The following CTNNA3 variants were observed in gnomAD, a reference collection of about 807,000 sequenced individuals.
The protein encoded by CTNNA3 is catenin alpha-3.
In CTNNA3, 76 loss-of-function variants were observed where a neutral mutation model predicts 95.7. That is an observed-to-expected ratio of 0.79 (90% CI 0.66 to 0.96). The LOEUF is 0.96. Among genes scored for constraint, CTNNA3 ranks in the 40% least tolerant of loss-of-function variants. The pLI, the probability that CTNNA3 is intolerant of heterozygous loss-of-function variation, is 0.00. For synonymous variants in CTNNA3, 431 were observed against 374.4 expected, an observed-to-expected ratio of 1.15 and a Z score of -1.74; for missense variants, 1,191 against 1,089.8, an observed-to-expected ratio of 1.09 and a Z score of -1.31.
intron 12 of CTNNA3, among the ~76,000 whole-genome samples, chr10:66,331,138 G>C (rs768094095): frequency 1.3e-5 from 2 of 151,822 alleles, no homozygotes; most frequent in African/African-American, 2.4e-5. Context: ...TGAAGTCCTT[G>C]CCCATACCTA....
chr10:67,760,750 A>G (rs2131758518), intron 1 of CTNNA3, among the ~76,000 whole-genome samples: 1 of 152,062 alleles, frequency 6.6e-6, no homozygotes, highest in Non-Finnish European at 1.5e-5. Flanking sequence ...CATGAACCCT[A>G]CTGTAAAGTG....
intron 9 of CTNNA3, among the ~76,000 whole-genome samples, chr10:66,739,743 G>A (rs542609127): frequency 6.6e-6 from 1 of 152,218 alleles, no homozygotes; most frequent in African/African-American, 2.4e-5. Context: ...TTTAGTGGGG[G>A]ATTAAATAAA....
intron 9 of CTNNA3, among the ~76,000 whole-genome samples, chr10:66,706,978 C>T (rs1848138838): frequency 1.3e-5 from 2 of 151,784 alleles, no homozygotes; most frequent in Non-Finnish European, 2.9e-5. Context: ...GTACAGTTAA[C>T]AGAATTAGCA....
chr10:66,034,493 C>T (rs1044563625), intron 15 of CTNNA3, among the ~76,000 whole-genome samples: 5 of 151,996 alleles, frequency 3.3e-5, no homozygotes, highest in Non-Finnish European at 5.9e-5. Flanking sequence ...CTAACTTCAA[C>T]AGCAGCAGCA....
chr10:67,267,879 A>T (rs1410486666), intron 5 of CTNNA3, among the ~76,000 whole-genome samples: 1 of 152,170 alleles, frequency 6.6e-6, no homozygotes, highest in Non-Finnish European at 1.5e-5. Flanking sequence ...AAATGAAAAC[A>T]GTAGTTTACT....
Position 66,733,965 on chromosome 10 carries a change from G to A in CTNNA3, c.1281+32299C>T, listed in dbSNP as rs142341880. 3.3e-5 allele frequency among the ~76,000 whole-genome samples: 5 copies of A among 151,660 alleles called. No individual in the cohort carries two copies. In the South Asian group the frequency reaches 6.3e-4, roughly 19 times the overall value. ...CACATTTATTGCAAATATTTTCCCAGATATAATTAGTTTTAATTTTATTTA... is the reference window on the plus strand; with the variant it reads ...CACATTTATTGCAAATATTTTCCCAAATATAATTAGTTTTAATTTTATTTA... On this transcript the variant is annotated intron_variant, in intron 9 of 17. Transcript: ENST00000433211.
intron 1 of CTNNA3, among the ~76,000 whole-genome samples, chr10:67,717,835 T>C (rs556944220): frequency 8.5e-5 from 13 of 152,304 alleles, no homozygotes; most frequent in Non-Finnish European, 1.8e-4. Flanking sequence ...TTTAAAGTAG[T>C]TTTTTCTAAT....
intron 13 of CTNNA3, among the ~76,000 whole-genome samples, chr10:66,246,783 T>A (rs963712054): frequency 6.6e-6 from 1 of 151,924 alleles, no homozygotes; most frequent in Admixed American, 6.6e-5. Flanking sequence ...ATGGGAGCAG[T>A]GGCTCATGTC....
At chr10:66,091,569 T>G (rs548505763) in intron 14 of CTNNA3, among the ~76,000 whole-genome samples, 1 of 151,928 alleles carries the variant, frequency 6.6e-6, no homozygotes, top group African/African-American at 2.4e-5. Flanking sequence ...CTTCATTGAA[T>G]TTGCTATCTA....
chr10:66,945,306 A>T (rs1848221408), intron 7 of CTNNA3, among the ~76,000 whole-genome samples: 1 of 152,166 alleles, frequency 6.6e-6, no homozygotes, highest in East Asian at 1.9e-4. Context: ...CTTCCACTTC[A>T]AGCGTTGTGC....
chr10:65,942,336 G>A (rs923315788), intron 17 of CTNNA3, among the ~76,000 whole-genome samples: 4 of 152,130 alleles, frequency 2.6e-5, no homozygotes, highest in African/African-American at 9.7e-5. Flanking sequence ...AGACCATCCT[G>A]GCCAACATGG....
intron 7 of CTNNA3, chr10:66,926,255 G>C (rs1451826240): frequency 2.0e-6 from 1 of 503,462 alleles, no homozygotes; most frequent in Non-Finnish European, 3.6e-6. Flanking sequence ...GAAATTGTAG[G>C]ATCCAGTTTT....
In CTNNA3 at chr10:67,521,938, G is replaced by A. The variant is rs74142830; in HGVS notation, c.483C>T (p.Leu161=). The change falls in exon 5 of 18, where the codon CTC becomes CTT. Residue 161 remains leucine, a synonymous_variant. Coordinates refer to ENST00000433211, the MANE Select transcript of CTNNA3 (RefSeq NM_013266.4). ...VSAFQRTFES[L]KNVANKSDLQ... Reference sequence around the variant, plus strand: ...GGTCAGATTTGTTGGCAACATTTTTGAGAGACTCAAATGTCCTTTGAAACT... The same window carrying A: ...GGTCAGATTTGTTGGCAACATTTTTAAGAGACTCAAATGTCCTTTGAAACT... 734 of 1,613,020 alleles carry A rather than the reference G, an allele frequency of 4.6e-4. 2 individuals carry two copies. In the African/African-American group the frequency reaches 8.7e-3, roughly 19 times the overall value.
At chr10:67,620,483 C>T (rs1039012731) in intron 2 of CTNNA3, among the ~76,000 whole-genome samples, 2 of 152,112 alleles carry the variant, frequency 1.3e-5, no homozygotes, top group African/African-American at 4.8e-5. Context: ...CCAAAAGGGA[C>T]TGTTTATATT....
chr10:66,649,248 G>C (rs1161573795), intron 9 of CTNNA3, among the ~76,000 whole-genome samples: 1 of 152,104 alleles, frequency 6.6e-6, no homozygotes, highest in African/African-American at 2.4e-5. Context: ...ATAAGAATTA[G>C]AAAAGGTTTA....
chr10:66,042,899 CAAAAAAAAAAAAAAAAA>C (rs60090636), intron 15 of CTNNA3, among the ~76,000 whole-genome samples: 1 of 50,418 alleles, frequency 2.0e-5, no homozygotes, highest in Non-Finnish European at 3.4e-5. Flanking sequence ...GACTCTGTCT[CAAAAAAAAAAAAAAAAA>C]AAAAAAAAAA....
At chr10:65,929,870 CTATAGCTTT>C (rs2077224035) in intron 17 of CTNNA3, among the ~76,000 whole-genome samples, 1 of 151,968 alleles carries the variant, frequency 6.6e-6, no homozygotes, top group Non-Finnish European at 1.5e-5. Context: ...CTGGCCAAAG[CTATAGCTTT>C]TATAAGTTTA....
At chr10:66,894,983 A>G (rs773178471) in intron 7 of CTNNA3, among the ~76,000 whole-genome samples, 4 of 149,470 alleles carry the variant, frequency 2.7e-5, no homozygotes, top group Non-Finnish European at 5.9e-5. Flanking sequence ...AGAAATTCAC[A>G]ATAAATTATA....
chr10:66,104,671 GA>G (rs1420498432), intron 13 of CTNNA3, among the ~76,000 whole-genome samples: 5 of 152,064 alleles, frequency 3.3e-5, no homozygotes, highest in African/African-American at 1.2e-4. Context: ...AAATCCTGGT[GA>G]CAAACCCAGA....
Sources: allele counts gnomAD v4.1 joint callset (sites outside exome capture counted in the v4.1 genomes callset), GRCh38; gene constraint gnomAD v4.1.1; transcripts MANE v1.5; gene names NCBI Gene and HGNC (gene_info 2026-07-23, HGNC 2026-07-21).